Variants in MIB1 observed in about 807,000 individuals in gnomAD.
MIB1 encodes the protein E3 ubiquitin-protein ligase MIB1.
MIB1 carries 278 observed loss-of-function variants against 124.5 expected under a neutral mutation model. The ratio of observed to expected loss-of-function variants is 2.23; its 90% CI spans 2.02 to 2.47. The LOEUF is 2.47. MIB1 is among the 30% of genes most tolerant of loss of function. The probability of loss-of-function intolerance (pLI) is 0.00; values close to 1 mark genes in which losing one functional copy is unlikely to be tolerated. For missense variants in MIB1, 957 were observed against 1,254.4 expected, an observed-to-expected ratio of 0.76 and a Z score of 3.58; for synonymous variants, 446 against 429.4, an observed-to-expected ratio of 1.04 and a Z score of -0.48.
At chr18:21,812,760 CTT>C (rs1411866386) in intron 10 of MIB1, among the ~76,000 whole-genome samples, 1 of 152,108 alleles carries the variant, frequency 6.6e-6, no homozygotes, top group Non-Finnish European at 1.5e-5. Flanking sequence ...TTTGAGGCCT[CTT>C]TATGAAATTC....
chr18:21,809,457 A>G (rs772294409), intron 10 of MIB1, among the ~76,000 whole-genome samples: 5 of 152,130 alleles, frequency 3.3e-5, no homozygotes, highest in Non-Finnish European at 7.4e-5. Flanking sequence ...ACTACAAGAA[A>G]ACTACAGACC....
At chr18:21,804,155 G>C (rs2041679386) in intron 10 of MIB1, 141 bp downstream of exon 10, 1 of 641,682 alleles carries the variant, frequency 1.6e-6, no homozygotes, top group African/African-American at 1.8e-5. Flanking sequence ...ATCTGACAGA[G>C]GCAACTTGAA....
chr18:21,807,042 A>G (rs1159639402), intron 10 of MIB1, among the ~76,000 whole-genome samples: 1 of 152,232 alleles, frequency 6.6e-6, no homozygotes, highest in Non-Finnish European at 1.5e-5. Context: ...AAAATTCATT[A>G]TAAGCAGGTG....
chr18:21,844,614 A>AG (rs1449284898), intron 15 of MIB1, among the ~76,000 whole-genome samples: 4 of 152,140 alleles, frequency 2.6e-5, no homozygotes, highest in African/African-American at 9.7e-5. Flanking sequence ...TTTTTAGTAG[A>AG]GACGGAGTTT....
At chr18:21,838,582 A>G (rs562374323) in intron 13 of MIB1, 85 bp downstream of exon 13, 2 of 1,144,316 alleles carry the variant, frequency 1.7e-6, no homozygotes, top group Non-Finnish European at 2.4e-6. Context: ...TTATTGCTTT[A>G]TAAATTGCCT....
intron 10 of MIB1, among the ~76,000 whole-genome samples, chr18:21,805,073 C>T (rs191990454): frequency 6.2e-4 from 94 of 152,074 alleles, no homozygotes; most frequent in Non-Finnish European, 1.0e-3. Context: ...AGTGCAATGG[C>T]GTGTTCTCAG....
intron 1 of MIB1, among the ~76,000 whole-genome samples, chr18:21,755,101 G>T (rs562412152): frequency 3.3e-5 from 5 of 152,066 alleles, no homozygotes; most frequent in African/African-American, 1.2e-4. Flanking sequence ...TTCTAGGGGT[G>T]GTGTATTATG....
At chr18:21,855,968 C>T (rs959891885) in intron 18 of MIB1, among the ~76,000 whole-genome samples, 6 of 152,230 alleles carry the variant, frequency 3.9e-5, no homozygotes, top group East Asian at 1.9e-4. Flanking sequence ...CGGTGGCTCA[C>T]GCCTGTAATC....
chr18:21,792,447 C>A (rs1356881709), intron 7 of MIB1, among the ~76,000 whole-genome samples: 1 of 152,142 alleles, frequency 6.6e-6, no homozygotes, highest in Non-Finnish European at 1.5e-5. Context: ...ATCTCATCCC[C>A]TCCCATCCTG....
chr18:21,764,289 C>T (rs1045782051), intron 1 of MIB1, among the ~76,000 whole-genome samples: 15 of 152,100 alleles, frequency 9.9e-5, no homozygotes, highest in African/African-American at 3.4e-4. Context: ...CCTTCCTGAT[C>T]CTTGCCCCTC....
chr18:21,789,022 A>G (rs1403843935), intron 6 of MIB1, among the ~76,000 whole-genome samples: 2 of 152,084 alleles, frequency 1.3e-5, no homozygotes, highest in South Asian at 2.1e-4. Flanking sequence ...TATTGTTTAG[A>G]TGGTATATTA....
At chr18:21,848,518 A>G (rs1196907987) in intron 16 of MIB1, among the ~76,000 whole-genome samples, 2 of 152,192 alleles carry the variant, frequency 1.3e-5, no homozygotes, top group Admixed American at 1.3e-4. Flanking sequence ...ACTTTTAAAC[A>G]ATGGAGTCTA....
chr18:21,821,396 G>A (rs776751892), intron 12 of MIB1, among the ~76,000 whole-genome samples: 4 of 151,876 alleles, frequency 2.6e-5, no homozygotes, highest in Non-Finnish European at 5.9e-5. Flanking sequence ...CCCTCAGCCC[G>A]CTTTGCCCAT....
Position 21,853,137 on chromosome 18 carries a change from T to G in MIB1, c.2587-3T>G. The G allele has an allele frequency of 6.2e-7, 1 of 1,607,634 alleles. No homozygotes were observed. The highest frequency in any genetic ancestry group is 2.2e-5 in the East Asian group (1 of 44,826). On this transcript the variant is annotated splice_polypyrimidine_tract_variant and splice_region_variant and intron_variant, in intron 17 of 20. Coordinates refer to ENST00000261537, the MANE Select transcript of MIB1 (RefSeq NM_020774.4). ...CACTGTGCTGTAACCTCTTTTTCTATAGATTGAAGAATGTGTGGTATGCTC... is the reference window on the plus strand; with the variant it reads ...CACTGTGCTGTAACCTCTTTTTCTAGAGATTGAAGAATGTGTGGTATGCTC...
chr18:21,757,948 CA>C (rs1459676266), intron 1 of MIB1, among the ~76,000 whole-genome samples: 1 of 152,018 alleles, frequency 6.6e-6, no homozygotes, highest in Non-Finnish European at 1.5e-5. Context: ...AGAAAAACCA[CA>C]AAAAACCGTG....
chr18:21,783,329 G>A (rs1053042517), intron 6 of MIB1, among the ~76,000 whole-genome samples: 1 of 150,904 alleles, frequency 6.6e-6, no homozygotes, highest in Non-Finnish European at 1.5e-5. Context: ...TGCAACCTCC[G>A]CCTCCCGGGT....
intron 1 of MIB1, among the ~76,000 whole-genome samples, chr18:21,711,174 T>A (rs1235174079): frequency 6.6e-6 from 1 of 152,212 alleles, no homozygotes; most frequent in Admixed American, 6.5e-5. Context: ...TCCACAAGTA[T>A]ATTATTAAAT....
intron 1 of MIB1, among the ~76,000 whole-genome samples, chr18:21,748,112 G>T (rs533994533): frequency 1.3e-5 from 2 of 152,192 alleles, no homozygotes. Flanking sequence ...CACAAAGCTG[G>T]TGAGTGGCAG....
intron 4 of MIB1, among the ~76,000 whole-genome samples, chr18:21,777,285 G>A (rs1160982775): frequency 1.3e-5 from 2 of 151,540 alleles, no homozygotes; most frequent in African/African-American, 4.9e-5. Context: ...CAGGCGTGGT[G>A]GTGCATGCCT....
Sources: allele counts gnomAD v4.1 joint callset (sites outside exome capture counted in the v4.1 genomes callset), GRCh38; gene constraint gnomAD v4.1.1; transcripts MANE v1.5; gene names NCBI Gene and HGNC (gene_info 2026-07-23, HGNC 2026-07-21).